Variants in NDUFA9 observed in about 807,000 individuals in gnomAD.
The protein encoded by NDUFA9 is NADH dehydrogenase [ubiquinone] 1 alpha subcomplex subunit 9, mitochondrial.
In NDUFA9, 23 loss-of-function variants were observed where a neutral mutation model predicts 45.9. The observed-to-expected ratio is 0.50, with a 90% CI of 0.36 to 0.71. The LOEUF (loss-of-function observed/expected upper bound fraction) is 0.71, where lower values mean the gene tolerates loss of function less well. Ranked by LOEUF, NDUFA9 falls within the 30% of genes least tolerant of loss-of-function variation. The probability of loss-of-function intolerance (pLI) is 0.00; values close to 1 mark genes in which losing one functional copy is unlikely to be tolerated. For missense variants in NDUFA9, 466 were observed against 488.2 expected (o/e 0.95, Z 0.43); for synonymous variants, 176 against 170.5 (o/e 1.03, Z -0.25).
chr12:4,654,185 G>A, intron 1 of NDUFA9, 107 bp from the exon 2 acceptor site: 1 of 1,094,284 alleles, frequency 9.1e-7, no homozygotes, highest in Non-Finnish European at 1.3e-6. Context: ...CTAAAGTACT[G>A]ATTGCAAAAT....
In NDUFA9 at chr12:4,691,806, G is replaced by A; in HGVS notation, c.*4698G>A. ...AAGAAGCCATGTGGATCCTGTGAGG[G>A]CCAGGATGGGGGGGGGGGTCATGGG... On this transcript the variant is annotated 3_prime_UTR_variant, in exon 11 of 11. Coordinates refer to ENST00000266544, the MANE Select transcript of NDUFA9 (RefSeq NM_005002.5). 1 of 84,080 alleles carries A rather than the reference G, an allele frequency of 1.2e-5. No individual in the cohort carries two copies. Among genetic ancestry groups the A allele is most frequent in the Non-Finnish European group, 3.0e-5 (1 of 33,012 alleles). 5.2% of individuals were successfully genotyped at this position (84,080 alleles called of 1,614,324 possible). A position where few individuals can be genotyped will look rare whatever the true frequency, so the allele number is the denominator to read the frequency against.
chr12:4,682,912 C>G (rs1242826419), intron 9 of NDUFA9, among the ~76,000 whole-genome samples: 1 of 152,050 alleles, frequency 6.6e-6, no homozygotes, highest in African/African-American at 2.4e-5. Context: ...ACAAAACATA[C>G]CAAATTAGCT....
At position 4,654,305 on chromosome 12, in the gene NDUFA9, T is replaced by C; in HGVS notation, c.63T>C (p.Thr21=). Residue 21 remains threonine (T), a synonymous_variant, in exon 2 of 11, where the codon ACT becomes ACC. Coordinates refer to ENST00000266544, the MANE Select transcript of NDUFA9 (RefSeq NM_005002.5). The part of the protein sequence containing the change: ...RVLSMSRSAI[T]AIATSVCHGP... ...GTTTTGTTTAAGGTTCTGCCATTAC[T>C]GCAATAGCCACATCTGTGTGTCACG... is the stretch of plus-strand genomic sequence containing the variant. 1 of 1,613,450 alleles carries C rather than the reference T, an allele frequency of 6.2e-7. No homozygotes were observed. The highest frequency in any genetic ancestry group is 1.3e-5 in the African/African-American group (1 of 75,024).
At chr12:4,673,016 G>A (rs550625552) in intron 8 of NDUFA9, among the ~76,000 whole-genome samples, 5 of 152,322 alleles carry the variant, frequency 3.3e-5, no homozygotes, top group African/African-American at 9.6e-5. Context: ...CCTCTGGGAC[G>A]AAGCTTCCAG....
Position 4,693,366 on chromosome 12 carries a change from T to C in NDUFA9, c.*6258T>C, listed in dbSNP as rs1392708248. ...TCAATTTGATAATTAGGATGCCCAG[T>C]GTTGTGTAATAATTAAAGCGTTAAA... is the stretch of plus-strand genomic sequence containing the variant. On this transcript the variant is annotated 3_prime_UTR_variant, in exon 11 of 11. Coordinates refer to ENST00000266544, the MANE Select transcript of NDUFA9 (RefSeq NM_005002.5). 1 of 152,174 alleles carries C rather than the reference T, an allele frequency of 6.6e-6. No individual in the cohort carries two copies. Among genetic ancestry groups the C allele is most frequent in the African/African-American group, 2.4e-5 (1 of 41,440 alleles). 9.4% of individuals were successfully genotyped at this position (152,174 alleles called of 1,614,324 possible). A position where few individuals can be genotyped will look rare whatever the true frequency, so the allele number is the denominator to read the frequency against.
intron 1 of NDUFA9, among the ~76,000 whole-genome samples, chr12:4,651,063 A>G (rs11063280): frequency 0.27 from 40,884 of 152,120 alleles, 5,635 homozygotes; most frequent in Middle Eastern, 0.41. Context: ...TTTAAACTGT[A>G]TGCCACACAC....
chr12:4,685,877 A>AC (rs111930254), intron 10 of NDUFA9, among the ~76,000 whole-genome samples: 30,867 of 152,108 alleles, frequency 0.2, 3,538 homozygotes, highest in South Asian at 0.46. Flanking sequence ...GCAAAATAAA[A>AC]TAAAAATACT....
chr12:4,681,873 G>A (rs1424989058), intron 8 of NDUFA9, among the ~76,000 whole-genome samples: 1 of 152,028 alleles, frequency 6.6e-6, no homozygotes, highest in Non-Finnish European at 1.5e-5. Flanking sequence ...ATTACATGCA[G>A]TGTAATATGT....
At chr12:4,672,142 G>A (rs900432674) in intron 8 of NDUFA9, among the ~76,000 whole-genome samples, 1 of 152,158 alleles carries the variant, frequency 6.6e-6, no homozygotes, top group African/African-American at 2.4e-5. Context: ...ATAAGGGGTC[G>A]GGGAACTCCC....
chr12:4,670,166 C>T (rs1161705020), intron 8 of NDUFA9, among the ~76,000 whole-genome samples: 2 of 152,162 alleles, frequency 1.3e-5, no homozygotes, highest in Non-Finnish European at 2.9e-5. Context: ...TATAAAACCA[C>T]ATTAATTTTG....
chr12:4,663,364 C>T (rs1009879367), intron 6 of NDUFA9, among the ~76,000 whole-genome samples: 3 of 145,730 alleles, frequency 2.1e-5, no homozygotes, highest in Non-Finnish European at 2.9e-5. Context: ...CTAAATTGCG[C>T]CCCCTCATAA....
intron 6 of NDUFA9, 21 bp from the exon 7 acceptor site, chr12:4,668,436 T>A: frequency 6.2e-7 from 1 of 1,600,858 alleles, no homozygotes; most frequent in Non-Finnish European, 8.6e-7. Context: ...TCAGTATAGT[T>A]CTCATTCTTT....
intron 8 of NDUFA9, among the ~76,000 whole-genome samples, chr12:4,675,409 C>G (rs111959202): frequency 0.12 from 17,577 of 151,796 alleles, 1,048 homozygotes; most frequent in African/African-American, 0.13. Flanking sequence ...AGATAGACTG[C>G]TAGCCAGACT....
intron 1 of NDUFA9, among the ~76,000 whole-genome samples, chr12:4,650,129 G>T (rs913497877): frequency 6.6e-6 from 1 of 151,138 alleles, no homozygotes; most frequent in African/African-American, 2.4e-5. Flanking sequence ...TGAGTGTAGA[G>T]CTATTGAGTC....
intron 6 of NDUFA9, 125 bp from the exon 7 acceptor site, chr12:4,668,332 C>T: frequency 1.3e-6 from 1 of 784,748 alleles, no homozygotes; most frequent in East Asian, 2.7e-5. Flanking sequence ...CATTCACTTC[C>T]TCAGAGTCAG....
intron 6 of NDUFA9, among the ~76,000 whole-genome samples, chr12:4,666,739 GT>G (rs1311584764): frequency 2.6e-5 from 4 of 152,096 alleles, no homozygotes; most frequent in African/African-American, 9.7e-5. Flanking sequence ...TTACGCCACT[GT>G]TTTGATCACT....
chr12:4,678,810 A>T (rs907626587), intron 8 of NDUFA9, among the ~76,000 whole-genome samples: 2 of 152,202 alleles, frequency 1.3e-5, no homozygotes, highest in Admixed American at 1.3e-4. Context: ...GAGAACCTTC[A>T]TACATTGCTG....
intron 1 of NDUFA9, 73 bp from the exon 2 acceptor site, chr12:4,654,219 G>A: frequency 7.2e-7 from 1 of 1,395,108 alleles, no homozygotes; most frequent in East Asian, 2.3e-5. Flanking sequence ...TTTAGAGAAA[G>A]GAGCTATTTG....
intron 6 of NDUFA9, among the ~76,000 whole-genome samples, chr12:4,665,866 A>T (rs1945850462): frequency 6.6e-6 from 1 of 151,922 alleles, no homozygotes; most frequent in Admixed American, 6.6e-5. Flanking sequence ...CAGTGATACA[A>T]TCACAGCTCA....
Sources: allele counts gnomAD v4.1 joint callset (sites outside exome capture counted in the v4.1 genomes callset), GRCh38; gene constraint gnomAD v4.1.1; transcripts MANE v1.5; gene names NCBI Gene and HGNC (gene_info 2026-07-23, HGNC 2026-07-21).